The following MAPK14 variants were observed in gnomAD, a reference collection of about 807,000 sequenced individuals.
The protein encoded by MAPK14 is mitogen-activated protein kinase 14.
In MAPK14, 16 loss-of-function variants were observed where a neutral mutation model predicts 49.6. That is an observed-to-expected ratio of 0.32 (90% confidence interval 0.22 to 0.49). The LOEUF (loss-of-function observed/expected upper bound fraction) is 0.49, where lower values mean the gene tolerates loss of function less well. MAPK14 is among the 20% of genes least tolerant of loss of function. MAPK14 has a pLI of 0.99. For synonymous variants in MAPK14, 142 were observed against 158.0 expected (o/e 0.90, Z 0.76); for missense variants, 200 against 441.2 (o/e 0.45, Z 4.90).
chr6:36,112,212 A>C (rs1765987818), downstream of MAPK14, among the ~76,000 whole-genome samples: 1 of 152,088 alleles, frequency 6.6e-6, no homozygotes, highest in Non-Finnish European at 1.5e-5. Context: ...TCTCAAAAAA[A>C]AAAAAAGAAT....
downstream of MAPK14, among the ~76,000 whole-genome samples, chr6:36,115,649 G>A (rs1562162049): frequency 1.3e-5 from 2 of 151,888 alleles, no homozygotes; most frequent in Non-Finnish European, 2.9e-5. Flanking sequence ...TAACTGGGGC[G>A]GGGCGCAGTG....
intron 8 of MAPK14, among the ~76,000 whole-genome samples, chr6:36,082,490 A>G (rs970781585): frequency 2.0e-5 from 3 of 152,226 alleles, no homozygotes; most frequent in Admixed American, 1.3e-4. Context: ...TCACAGTTGC[A>G]TAGCTGTAAA....
downstream of MAPK14, among the ~76,000 whole-genome samples, chr6:36,114,908 G>C (rs1430358491): frequency 2.0e-5 from 3 of 152,256 alleles, no homozygotes; most frequent in East Asian, 5.8e-4. Context: ...GTGTGTTGTC[G>C]ACACTCAAGA....
intron 1 of MAPK14, among the ~76,000 whole-genome samples, chr6:36,051,011 G>T (rs572442215): frequency 9.3e-4 from 142 of 152,258 alleles, no homozygotes; most frequent in African/African-American, 3.3e-3. Flanking sequence ...CAGGCAGAGA[G>T]TTTGGTGATA....
intron 1 of MAPK14, among the ~76,000 whole-genome samples, chr6:36,041,608 T>C (rs1249748323): frequency 6.6e-6 from 1 of 152,240 alleles, no homozygotes; most frequent in East Asian, 1.9e-4. Flanking sequence ...TGTTACAAGC[T>C]TGAATGGTTC....
chr6:36,112,288 C>T (rs1284278943), downstream of MAPK14, among the ~76,000 whole-genome samples: 1 of 152,046 alleles, frequency 6.6e-6, no homozygotes, highest in Non-Finnish European at 1.5e-5. Context: ...AGCCTTCCTC[C>T]TAGGCTTCTG....
At chr6:36,039,818 A>G (rs1762893249) in intron 1 of MAPK14, among the ~76,000 whole-genome samples, 1 of 152,070 alleles carries the variant, frequency 6.6e-6, no homozygotes, top group Non-Finnish European at 1.5e-5. Context: ...CAGCCTGGCC[A>G]ACATGGTGAA....
downstream of MAPK14, among the ~76,000 whole-genome samples, chr6:36,114,908 G>A (rs1430358491): frequency 6.6e-6 from 1 of 152,138 alleles, no homozygotes; most frequent in East Asian, 1.9e-4. Context: ...GTGTGTTGTC[G>A]ACACTCAAGA....
At chr6:36,033,177 T>C (rs1262843186) in intron 1 of MAPK14, among the ~76,000 whole-genome samples, 2 of 152,222 alleles carry the variant, frequency 1.3e-5, no homozygotes, top group Non-Finnish European at 2.9e-5. Context: ...GTTGCCTGTA[T>C]GTTACCAGTG....
chr6:36,093,720 C>CAAAA (rs11343231), intron 8 of MAPK14, among the ~76,000 whole-genome samples: 91 of 83,088 alleles, frequency 1.1e-3, no homozygotes, highest in East Asian at 2.7e-3. Flanking sequence ...GACTCCGTCT[C>CAAAA]AAAAAAAAAA....
intron 10 of MAPK14, among the ~76,000 whole-genome samples, chr6:36,106,489 A>G (rs1451538010): frequency 6.6e-6 from 1 of 152,218 alleles, no homozygotes; most frequent in Admixed American, 6.5e-5. Context: ...CGTTGGAATA[A>G]TTGGAGAAAT....
rs145036026 is a variant in MAPK14, at chr6:36,111,143, G to A, written c.*2696G>A. ...TTTACATTTTTAAATGGTTGGGAAA[G>A]AAAAAAAAAGAAGTAGTAGATTTTG... On this transcript the variant is annotated 3_prime_UTR_variant, in exon 12 of 12. Coordinates refer to ENST00000229794, the MANE Select transcript of MAPK14 (RefSeq NM_139012.3). 13 of 151,286 alleles carry A rather than the reference G, an allele frequency of 8.6e-5. No homozygotes were observed. The highest frequency in any genetic ancestry group is 2.1e-4 in the South Asian group (1 of 4,782). The allele number at this position is 151,286 out of a possible 1,614,324, so 9.4% of individuals were successfully genotyped here.
chr6:36,096,228 T>C (rs1581840670), intron 9 of MAPK14, 162 bp downstream of exon 9: 10 of 573,432 alleles, frequency 1.7e-5, no homozygotes, highest in Non-Finnish European at 2.5e-5. Context: ...TGTGTGTGCG[T>C]GCACGCATGT....
chr6:36,070,741 A>G (rs749480081), intron 3 of MAPK14, among the ~76,000 whole-genome samples: 1 of 152,188 alleles, frequency 6.6e-6, no homozygotes, highest in Non-Finnish European at 1.5e-5. Context: ...CCTACCAGGA[A>G]ATTATGACAG....
At chr6:36,098,152 CAACAGCTGTT>C (rs1765510337) in intron 9 of MAPK14, 1 of 151,738 alleles carries the variant, frequency 6.6e-6, no homozygotes, top group Non-Finnish European at 1.5e-5. Context: ...AGTAAATAGC[CAACAGCTGTT>C]TTCATTCTCC....
intron 8 of MAPK14, among the ~76,000 whole-genome samples, chr6:36,079,522 G>T (rs115889671): frequency 9.2e-5 from 14 of 152,030 alleles, no homozygotes; most frequent in African/African-American, 3.4e-4. Context: ...AAAAAATCTC[G>T]TAATGTTTTC....
chr6:36,031,596 G>A (rs1028887944), intron 1 of MAPK14, among the ~76,000 whole-genome samples: 1 of 151,672 alleles, frequency 6.6e-6, no homozygotes, highest in Non-Finnish European at 1.5e-5. Flanking sequence ...ATACAGACAG[G>A]GTTTCACCAT....
intron 2 of MAPK14, among the ~76,000 whole-genome samples, chr6:36,054,007 T>TTTTTTTTTTTTTTTTTTTTTGAG (rs1562112084): frequency 6.6e-6 from 1 of 151,890 alleles, no homozygotes; most frequent in African/African-American, 2.4e-5. Flanking sequence ...ACCAGAGTTT[T>TTTTTTTTTTTTTTTTTTTTTGAG]AAGAATGTTC....
intron 2 of MAPK14, among the ~76,000 whole-genome samples, chr6:36,058,816 G>C (rs1178329088): frequency 6.6e-6 from 1 of 151,674 alleles, no homozygotes. Flanking sequence ...AGGATTGCTT[G>C]AGCTGCAGTG....
Sources: allele counts gnomAD v4.1 joint callset (sites outside exome capture counted in the v4.1 genomes callset), GRCh38; gene constraint gnomAD v4.1.1; transcripts MANE v1.5; gene names NCBI Gene and HGNC (gene_info 2026-07-23, HGNC 2026-07-21).